SORCS2: variants seen among roughly 807,000 people sequenced by gnomAD.
The protein encoded by SORCS2 is sortilin related VPS10 domain containing receptor 2.
SORCS2 carries 100 observed loss-of-function variants against 141.6 expected under a neutral mutation model. The observed-to-expected ratio is 0.71, with a 90% CI of 0.60 to 0.83. SORCS2 has a LOEUF of 0.83. SORCS2 is among the 40% of genes least tolerant of loss of function. SORCS2 has a pLI of 0.00. For missense variants in SORCS2, 1,646 were observed against 1,560.2 expected (o/e 1.05, Z -0.93); for synonymous variants, 789 against 676.9 (o/e 1.17, Z -2.57).
rs1363813286 is a variant in SORCS2 at position 7,663,006 on chromosome 4, A to G, written c.953-1347A>G. ...AGTGAGTGAGTGAGCGAGTGAGTGG[A>G]TGAGTGAGTGGGTGAATGAGTGAAT... On this transcript the variant is annotated intron_variant, in intron 6 of 26. Transcript: ENST00000507866. The surrounding 1 kb of genome is among the most constrained non-coding windows in gnomAD (Gnocchi z 4.8). Among the ~76,000 whole-genome samples the G allele has an allele frequency of 1.3e-5, 2 of 149,186 alleles. No homozygotes were observed. The highest frequency in any genetic ancestry group is 2.5e-5 in the African/African-American group (1 of 40,290).
chr4:7,495,823 G>C (rs1284168193), intron 2 of SORCS2, among the ~76,000 whole-genome samples: 1 of 152,240 alleles, frequency 6.6e-6, no homozygotes, highest in African/African-American at 2.4e-5. Context: ...ACCCCTCAGA[G>C]GAGCTCCAGA....
intron 19 of SORCS2, among the ~76,000 whole-genome samples, chr4:7,724,887 T>TG (rs1727061334): frequency 2.7e-4 from 18 of 65,920 alleles, no homozygotes; most frequent in Non-Finnish European, 3.0e-4. Flanking sequence ...ATGGTGGTGG[T>TG]GTTGGTGATG....
intron 2 of SORCS2, among the ~76,000 whole-genome samples, chr4:7,500,818 C>G (rs142068270): frequency 4.6e-5 from 7 of 152,316 alleles, no homozygotes; most frequent in Non-Finnish European, 7.3e-5. Flanking sequence ...CTCCATGTAC[C>G]CCTGAGGGTT....
rs527728031 is a variant in SORCS2 at position 7,422,249 on chromosome 4, T to A, written c.548+25894T>A. Among the ~76,000 whole-genome samples the A allele has an allele frequency of 6.6e-5, 10 of 152,282 alleles. No individual in the cohort carries two copies. The South Asian group carries it at 2.1e-3, about 32-fold the overall frequency. The stretch of plus-strand genomic sequence containing the variant: ...TCTTGAGTGGGCCACCTGGGCTGAT[T>A]TGTCTCAGAGCCCAGCTCAGCCTCC... On this transcript the variant is annotated intron_variant, in intron 2 of 26. Coordinates refer to ENST00000507866, the MANE Select transcript of SORCS2 (RefSeq NM_020777.3).
At chr4:7,733,292 C>G (rs1711853053) in intron 23 of SORCS2, 30 bp from the exon 24 acceptor site, 1 of 1,497,450 alleles carries the variant, frequency 6.7e-7, no homozygotes, top group Non-Finnish European at 9.0e-7. Flanking sequence ...TCCATGGAGG[C>G]CTCACTCACT....
intron 1 of SORCS2, among the ~76,000 whole-genome samples, chr4:7,232,555 C>A (rs1711970143): frequency 6.6e-6 from 1 of 152,210 alleles, no homozygotes; most frequent in Admixed American, 6.5e-5. Context: ...CGCTTTCCTG[C>A]CAAGCCTCGT....
chr4:7,706,200 G>T (rs1725440879), intron 14 of SORCS2, among the ~76,000 whole-genome samples: 1 of 128,546 alleles, frequency 7.8e-6, no homozygotes. Context: ...TCTGGGCAGG[G>T]ATGAGGCTGG....
At chr4:7,338,265 A>G (rs976855857) in intron 1 of SORCS2, among the ~76,000 whole-genome samples, 4 of 146,440 alleles carry the variant, frequency 2.7e-5, no homozygotes, top group Non-Finnish European at 6.0e-5. Flanking sequence ...GGATGGATGC[A>G]TGGATGTCGG....
At chr4:7,382,952 A>G (rs1226194770) in intron 1 of SORCS2, among the ~76,000 whole-genome samples, 1 of 152,132 alleles carries the variant, frequency 6.6e-6, no homozygotes, top group Admixed American at 6.5e-5. Flanking sequence ...GGTGGAGAAA[A>G]TGTTTTGATC....
intron 17 of SORCS2, 99 bp downstream of exon 17, chr4:7,715,410 A>G: frequency 1.3e-6 from 2 of 1,531,304 alleles, no homozygotes; most frequent in Middle Eastern, 1.7e-4. Context: ...GCAGCTCCCA[A>G]CTCCCAAGTG....
chr4:7,499,585 C>A (rs933945999), intron 2 of SORCS2, among the ~76,000 whole-genome samples: 1 of 151,870 alleles, frequency 6.6e-6, no homozygotes, highest in Non-Finnish European at 1.5e-5. Flanking sequence ...CGGGTGGGGG[C>A]CGGCATGGGA....
Position 7,676,163 on chromosome 4 carries a change from G to T in SORCS2, c.1275G>T (p.Ala425=). 1 of 1,559,334 alleles carries T rather than the reference G, an allele frequency of 6.4e-7. No homozygotes were observed. Among genetic ancestry groups the T allele is most frequent in the Non-Finnish European group, 8.7e-7 (1 of 1,151,306 alleles). Residue 425 remains alanine (A), a synonymous_variant, in exon 9 of 27, where the codon GCG becomes GCT. Coordinates refer to ENST00000507866, the MANE Select transcript of SORCS2 (RefSeq NM_020777.3). ...CGGACCCACGGGGCGTGCGCTACGC[G>T]CTGGTGCTGCAGGACGTGCGCAGCT... The part of the protein sequence containing the change: ...YQSDPRGVRY[A]LVLQDVRSSR...
Position 7,440,526 on chromosome 4 carries a change from C to T in SORCS2, c.548+44171C>T, listed in dbSNP as rs1026983419. On this transcript the variant is annotated intron_variant, in intron 2 of 26. Coordinates refer to ENST00000507866, the MANE Select transcript of SORCS2 (RefSeq NM_020777.3). Reference sequence around the variant, plus strand: ...TTGTGTACACAGTGCCACACGCTACCGTTCCTCTCTCTGAATGAGGAGGGG... The same window carrying T: ...TTGTGTACACAGTGCCACACGCTACTGTTCCTCTCTCTGAATGAGGAGGGG... 3.9e-5 allele frequency among the ~76,000 whole-genome samples: 6 copies of T among 152,370 alleles called. No homozygotes were observed. The South Asian group carries it at 1.0e-3, about 26-fold the overall frequency.
chr4:7,362,197 G>T (rs1721623697), intron 1 of SORCS2, among the ~76,000 whole-genome samples: 1 of 152,072 alleles, frequency 6.6e-6, no homozygotes, highest in East Asian at 1.9e-4. Context: ...GGACAAACTT[G>T]TATTCCAAAT....
At chr4:7,435,788 C>G (rs1450421719) in intron 2 of SORCS2, among the ~76,000 whole-genome samples, 3 of 152,258 alleles carry the variant, frequency 2.0e-5, no homozygotes, top group African/African-American at 7.2e-5. Context: ...AGGCGCCTTG[C>G]GTCGGGTCCT....
Position 7,525,740 on chromosome 4 carries a change from C to A in SORCS2, c.549-5790C>A, listed in dbSNP as rs1577696962. Among the ~76,000 whole-genome samples, 5 of 110,084 alleles carry A rather than the reference C, an allele frequency of 4.5e-5. 1 individual carries two copies. Among genetic ancestry groups the A allele is most frequent in the Admixed American group, 4.3e-4 (5 of 11,596 alleles). 72.2% of individuals were successfully genotyped at this position (110,084 alleles called of 152,430 possible). Reference sequence around the variant, plus strand: ...TCTTGCAGTCACCTGTCCCCTCCTGCAGTCACCTGTGCCCTCCTGCAATCA... The same window carrying A: ...TCTTGCAGTCACCTGTCCCCTCCTGAAGTCACCTGTGCCCTCCTGCAATCA... On this transcript the variant is annotated intron_variant, in intron 2 of 26. Transcript: ENST00000507866.
Position 7,341,310 on chromosome 4 carries a change from GC to G in SORCS2, c.481-54976del, listed in dbSNP as rs371026002. Among the ~76,000 whole-genome samples the G allele has an allele frequency of 7.5e-3, 1,144 of 152,278 alleles. 14 individuals are homozygous for G. The highest frequency in any genetic ancestry group is 0.026 in the African/African-American group (1,065 of 41,528). On this transcript the variant is annotated intron_variant, in intron 1 of 26. Coordinates refer to ENST00000507866, the MANE Select transcript of SORCS2 (RefSeq NM_020777.3). The stretch of plus-strand genomic sequence containing the variant: ...TTCTTTCTCTCTTGGGTGCCCTTCT[GC>G]CTTGGCCTGTTCAAGGCCCAGCTCT...
At chr4:7,332,235 C>T (rs970012351) in intron 1 of SORCS2, among the ~76,000 whole-genome samples, 4 of 152,178 alleles carry the variant, frequency 2.6e-5, no homozygotes, top group Non-Finnish European at 4.4e-5. Flanking sequence ...CCAAGGTGAC[C>T]GAGAAGTGCC....
intron 1 of SORCS2, among the ~76,000 whole-genome samples, chr4:7,197,698 A>G (rs910926074): frequency 6.6e-6 from 1 of 152,236 alleles, no homozygotes; most frequent in Admixed American, 6.5e-5. Flanking sequence ...GACAAACCAT[A>G]GAAAAGAAGT....
Sources: allele counts gnomAD v4.1 joint callset (sites outside exome capture counted in the v4.1 genomes callset), GRCh38; gene constraint gnomAD v4.1.1; non-coding constraint Gnocchi (gnomAD v3.1); transcripts MANE v1.5; gene names NCBI Gene and HGNC (gene_info 2026-07-23, HGNC 2026-07-21).